The following LRRFIP1 variants were observed in gnomAD, a reference collection of about 807,000 sequenced individuals.
LRRFIP1 encodes the protein LRR binding FLII interacting protein 1.
A neutral mutation model predicts 104.4 loss-of-function variants in LRRFIP1; 62 were observed. The ratio of observed to expected loss-of-function variants is 0.59; its 90% CI spans 0.48 to 0.73. The LOEUF (loss-of-function observed/expected upper bound fraction) is 0.73. LRRFIP1 is among the 30% of genes least tolerant of loss of function. The probability of loss-of-function intolerance (pLI) is 0.00; values close to 1 mark genes in which losing one functional copy is unlikely to be tolerated. For missense variants in LRRFIP1, 796 were observed against 824.5 expected (o/e 0.97, Z 0.42); for synonymous variants, 300 against 299.0 (o/e 1.00, Z -0.03).
intron 1 of LRRFIP1, among the ~76,000 whole-genome samples, chr2:237,643,508 TGAG>T (rs550241569): frequency 2.0e-5 from 3 of 152,378 alleles, no homozygotes; most frequent in Non-Finnish European, 4.4e-5. Flanking sequence ...CTCAGACGGC[TGAG>T]GAGTGAATGA....
At chr2:237,632,602 C>T (rs2082539045) in intron 1 of LRRFIP1, among the ~76,000 whole-genome samples, 1 of 152,228 alleles carries the variant, frequency 6.6e-6, no homozygotes, top group Non-Finnish European at 1.5e-5. Context: ...CCCAAATAGC[C>T]CTCCTATATC....
Position 237,647,525 on chromosome 2 carries a change from C to G in LRRFIP1, c.96+19785C>G, listed in dbSNP as rs571683713. ...CTTCCCTCAGATGGGTGCCCCCCCA[C>G]CCTGCAGCAGGGTTGAGGGAGCAGA... On this transcript the variant is annotated intron_variant, in intron 1 of 23. Transcript: ENST00000308482. Among the ~76,000 whole-genome samples, 14 of 152,210 alleles carry G rather than the reference C, an allele frequency of 9.2e-5. No individual in the cohort carries two copies. The South Asian group carries it at 2.1e-3, about 23-fold the overall frequency.
At chr2:237,739,058 A>G (rs1396288132) in intron 10 of LRRFIP1, among the ~76,000 whole-genome samples, 174 bp from the exon 11 acceptor site, 5 of 152,206 alleles carry the variant, frequency 3.3e-5, no homozygotes, top group Admixed American at 3.3e-4. Context: ...CTTAGCGAGC[A>G]CTGATTTGAA....
At position 237,766,949 on chromosome 2, in the gene LRRFIP1, C is replaced by G. The variant is rs1305297108; in HGVS notation, c.1460-2994C>G. Among the ~76,000 whole-genome samples, 2 of 152,182 alleles carry G rather than the reference C, an allele frequency of 1.3e-5. No homozygotes were observed. Among genetic ancestry groups the G allele is most frequent in the Non-Finnish European group, 2.9e-5 (2 of 68,042 alleles). Reference sequence around the variant, plus strand: ...ACGTGGGAGGCCGAGGCAGGCAGATCACTTAAGCCCAGGAGTTCAAGCCCA... The same window carrying G: ...ACGTGGGAGGCCGAGGCAGGCAGATGACTTAAGCCCAGGAGTTCAAGCCCA... On this transcript the variant is annotated intron_variant, in intron 19 of 23. Coordinates refer to ENST00000308482, the MANE Select transcript of LRRFIP1 (RefSeq NM_001137550.2). This position sits in a 1 kb window ranked among gnomAD's most constrained non-coding sequence, Gnocchi z 4.8.
At chr2:237,709,410 TAAG>T (rs768797642) in intron 2 of LRRFIP1, among the ~76,000 whole-genome samples, 20 of 152,160 alleles carry the variant, frequency 1.3e-4, no homozygotes, top group Non-Finnish European at 2.8e-4. Context: ...CTTTTCTTCT[TAAG>T]AAGATGTGAA....
chr2:237,738,164 C>T (rs1384697413), intron 10 of LRRFIP1, among the ~76,000 whole-genome samples: 1 of 152,004 alleles, frequency 6.6e-6, no homozygotes, highest in Non-Finnish European at 1.5e-5. Context: ...AGATCATGAG[C>T]ACCCCTGAAG....
intron 1 of LRRFIP1, among the ~76,000 whole-genome samples, chr2:237,651,634 G>T (rs865797078): frequency 6.6e-6 from 1 of 152,090 alleles, no homozygotes; most frequent in South Asian, 2.1e-4. Flanking sequence ...TCTCTCCTCT[G>T]TATTTCCTGT....
intron 15 of LRRFIP1, among the ~76,000 whole-genome samples, chr2:237,754,845 T>A (rs1018838752): frequency 5.9e-5 from 9 of 152,164 alleles, no homozygotes; most frequent in Non-Finnish European, 1.3e-4. Context: ...TGGAATGCTG[T>A]CATTAGGCAT....
At chr2:237,695,408 T>TG (rs2093110017) in intron 1 of LRRFIP1, among the ~76,000 whole-genome samples, 1 of 152,162 alleles carries the variant, frequency 6.6e-6, no homozygotes, top group African/African-American at 2.4e-5. Flanking sequence ...CTGATTATAG[T>TG]GAGATTCTTA....
chr2:237,627,753 G>T lies in LRRFIP1; in HGVS notation c.96+13G>T. On this transcript the variant is annotated intron_variant, in intron 1 of 23. Transcript: ENST00000308482. ...GATCGCGCGGGAGGTGAGCGCTCCG[G>T]GAGGGCAGCCGGGGGGCGCCGGGCG... 1 of 1,238,578 alleles carries T rather than the reference G, an allele frequency of 8.1e-7. No individual in the cohort carries two copies. Among genetic ancestry groups the T allele is most frequent in the Non-Finnish European group, 1.0e-6 (1 of 984,516 alleles). 76.7% of individuals were successfully genotyped at this position (1,238,578 alleles called of 1,614,324 possible). A position where few individuals can be genotyped will look rare whatever the true frequency, so the allele number is the denominator to read the frequency against.
chr2:237,640,698 T>C (rs1174664962), intron 1 of LRRFIP1, among the ~76,000 whole-genome samples: 7 of 152,240 alleles, frequency 4.6e-5, no homozygotes, highest in Non-Finnish European at 8.8e-5. Flanking sequence ...ATTGTCTTGT[T>C]CGGAATCCCT....
chr2:237,629,378 T>G (rs1043301974), intron 1 of LRRFIP1, among the ~76,000 whole-genome samples: 1 of 152,138 alleles, frequency 6.6e-6, no homozygotes, highest in African/African-American at 2.4e-5. Flanking sequence ...ATCGCAAGCC[T>G]TGTCTTGATG....
At chr2:237,705,564 C>T (rs1368619209) in intron 1 of LRRFIP1, among the ~76,000 whole-genome samples, 3 of 151,556 alleles carry the variant, frequency 2.0e-5, no homozygotes, top group Admixed American at 6.6e-5. Context: ...CTTGGGAGGC[C>T]GAGGTGGGAG....
intron 12 of LRRFIP1, 107 bp downstream of exon 12, chr2:237,748,506 A>ACATC: frequency 2.8e-6 from 3 of 1,077,368 alleles, no homozygotes; most frequent in Non-Finnish European, 4.1e-6. Context: ...CAGCGAGGGA[A>ACATC]CTGGACTAGA....
chr2:237,776,334 C>G (rs1338852846), intron 23 of LRRFIP1, among the ~76,000 whole-genome samples: 1 of 152,186 alleles, frequency 6.6e-6, no homozygotes, highest in East Asian at 1.9e-4. Flanking sequence ...TGAAATTTGT[C>G]AATACTTGCT....
intron 11 of LRRFIP1, among the ~76,000 whole-genome samples, chr2:237,740,268 TAGCC>T (rs1211722337): frequency 6.7e-6 from 1 of 150,336 alleles, no homozygotes; most frequent in East Asian, 2.0e-4. Context: ...AAAAAAAAAT[TAGCC>T]AGGTGTGGAG....
intron 12 of LRRFIP1, among the ~76,000 whole-genome samples, chr2:237,748,704 T>A (rs1229030581): frequency 3.3e-5 from 5 of 152,298 alleles, no homozygotes; most frequent in Admixed American, 6.5e-5. Flanking sequence ...TACAGTTTAC[T>A]ATAAGCCCAT....
At chr2:237,718,100 C>T (rs1421996742) in intron 4 of LRRFIP1, among the ~76,000 whole-genome samples, 1 of 152,200 alleles carries the variant, frequency 6.6e-6, no homozygotes, top group Non-Finnish European at 1.5e-5. Flanking sequence ...CTACCACAGC[C>T]GCCCTGATCT....
chr2:237,739,356 C>T (rs1361954755), intron 11 of LRRFIP1, 47 bp downstream of exon 11: 2 of 1,476,034 alleles, frequency 1.4e-6, no homozygotes, highest in African/African-American at 2.8e-5. Context: ...CACCCTCCCT[C>T]CCCCTTCCCT....
Sources: allele counts gnomAD v4.1 joint callset (sites outside exome capture counted in the v4.1 genomes callset), GRCh38; gene constraint gnomAD v4.1.1; non-coding constraint Gnocchi (gnomAD v3.1); transcripts MANE v1.5; gene names NCBI Gene and HGNC (gene_info 2026-07-23, HGNC 2026-07-21).